The following ENTPD3 variants were observed in gnomAD, a reference collection of about 807,000 sequenced individuals.
ENTPD3 encodes the protein ectonucleoside triphosphate diphosphohydrolase 3, also known as CD39 antigen-like 3.
A neutral mutation model predicts 51.2 loss-of-function variants in ENTPD3; 60 were observed. The observed-to-expected ratio is 1.17, with a 90% CI of 0.95 to 1.45. The LOEUF is 1.45. Ranked by LOEUF, ENTPD3 falls within the 40% of genes most tolerant of loss-of-function variation. ENTPD3 has a pLI of 0.00. For missense variants in ENTPD3, 593 were observed against 641.1 expected (o/e 0.93, Z 0.81); for synonymous variants, 221 against 238.4 (o/e 0.93, Z 0.67).
chr3:40,394,048 CAAAAAAAAAA>C (rs559701033), intron 3 of ENTPD3, among the ~76,000 whole-genome samples: 1,032 of 64,578 alleles, frequency 0.016, 16 homozygotes, highest in Admixed American at 0.031. Flanking sequence ...GACTCTGTCT[CAAAAAAAAAA>C]AAAAAAAAAA....
At chr3:40,426,290 TAG>T (rs1955983941) in intron 10 of ENTPD3, among the ~76,000 whole-genome samples, 1 of 151,884 alleles carries the variant, frequency 6.6e-6, no homozygotes, top group African/African-American at 2.4e-5. Context: ...TGTATTTTTG[TAG>T]AGACAGGGTT....
At chr3:40,401,886 T>C (rs1955366080) in intron 4 of ENTPD3, among the ~76,000 whole-genome samples, 1 of 152,196 alleles carries the variant, frequency 6.6e-6, no homozygotes, top group African/African-American at 2.4e-5. Context: ...TGCAGCTCCC[T>C]GTCTTTTCCA....
intron 10 of ENTPD3, among the ~76,000 whole-genome samples, chr3:40,426,840 T>C (rs1384973696): frequency 6.6e-6 from 1 of 152,152 alleles, no homozygotes; most frequent in African/African-American, 2.4e-5. Context: ...TAAAAACATG[T>C]AAAGCAAAAA....
Position 40,423,418 on chromosome 3 carries a change from A to T in ENTPD3, c.1215+17A>T. Reference sequence around the variant, plus strand: ...TGGAGTCAGGTCAGTATTTAAAGAGAAGGGATCAATGTCAGTACAAAAAAA... The same window carrying T: ...TGGAGTCAGGTCAGTATTTAAAGAGTAGGGATCAATGTCAGTACAAAAAAA... On this transcript the variant is annotated intron_variant, in intron 9 of 10. Transcript: ENST00000301825. The T allele has an allele frequency of 6.5e-7, 1 of 1,534,300 alleles. No individual in the cohort carries two copies. Among genetic ancestry groups the T allele is most frequent in the African/African-American group, 1.4e-5 (1 of 73,392 alleles).
chr3:40,397,872 G>T (rs1450926865), intron 3 of ENTPD3, among the ~76,000 whole-genome samples: 1 of 152,084 alleles, frequency 6.6e-6, no homozygotes, highest in East Asian at 1.9e-4. Context: ...TTGAGCCATG[G>T]TTTTTTCTGA....
intron 10 of ENTPD3, among the ~76,000 whole-genome samples, chr3:40,425,289 T>C (rs930620050): frequency 6.6e-6 from 1 of 151,880 alleles, no homozygotes; most frequent in Non-Finnish European, 1.5e-5. Flanking sequence ...TGTTGGTGCA[T>C]GCCTGTAATC....
rs185787361 is a variant in ENTPD3 at position 40,407,286 on chromosome 3, C to T, written c.287-4526C>T. 2.0e-5 allele frequency among the ~76,000 whole-genome samples: 3 copies of T among 152,006 alleles called. No individual in the cohort carries two copies. The East Asian group carries it at 5.8e-4, about 29-fold the overall frequency. ...CTCTGTCGTAACTGCTCAACTCTGC[C>T]CCTTTAGCATGAAAACAGCCATAGA... On this transcript the variant is annotated intron_variant, in intron 4 of 10. Transcript: ENST00000301825.
At chr3:40,426,107 C>CTTTTTTTTTTTTTTTT (rs35267876) in intron 10 of ENTPD3, among the ~76,000 whole-genome samples, 2 of 112,446 alleles carry the variant, frequency 1.8e-5, no homozygotes, top group Non-Finnish European at 3.5e-5. Flanking sequence ...TTTTTCTTTT[C>CTTTTTTTTTTTTTTTT]TTTTTTTTTT....
intron 2 of ENTPD3, 95 bp from the exon 3 acceptor site, chr3:40,391,928 A>C (rs2125587280): frequency 6.9e-7 from 1 of 1,454,316 alleles, no homozygotes; most frequent in South Asian, 1.2e-5. Context: ...TGGTTTATGC[A>C]CCTGATTATG....
intron 4 of ENTPD3, among the ~76,000 whole-genome samples, chr3:40,404,327 TG>T (rs1201658775): frequency 1.3e-5 from 2 of 152,216 alleles, no homozygotes; most frequent in African/African-American, 4.8e-5. Context: ...ATACAGTAAG[TG>T]CTCAATAAGC....
intron 10 of ENTPD3, 172 bp downstream of exon 10, chr3:40,424,135 A>G: frequency 1.0e-6 from 1 of 985,454 alleles, no homozygotes; most frequent in Non-Finnish European, 1.2e-6. Flanking sequence ...AGAATTTAGA[A>G]GAGTTGCTCA....
chr3:40,408,331 A>C (rs1416385317), intron 4 of ENTPD3, among the ~76,000 whole-genome samples: 3 of 152,220 alleles, frequency 2.0e-5, no homozygotes, highest in Non-Finnish European at 4.4e-5. Context: ...TTAAAAACAT[A>C]TACTAAAGTG....
At chr3:40,403,518 T>C (rs895610831) in intron 4 of ENTPD3, among the ~76,000 whole-genome samples, 8 of 152,136 alleles carry the variant, frequency 5.3e-5, no homozygotes, top group Admixed American at 6.5e-5. Context: ...AGCAAGATCT[T>C]GAGCAAGGCA....
rs775322652 is a variant in ENTPD3, at chr3:40,402,111, C to CTTTTTTTTTTT, written c.286+1101_286+1111dup. Among the ~76,000 whole-genome samples the CTTTTTTTTTTT allele has an allele frequency of 1.6e-3, 158 of 97,162 alleles. 7 individuals are homozygous for CTTTTTTTTTTT. Among genetic ancestry groups the CTTTTTTTTTTT allele is most frequent in the East Asian group, 4.4e-3 (15 of 3,412 alleles). 63.7% of individuals were successfully genotyped at this position (97,162 alleles called of 152,430 possible). A position where few individuals can be genotyped will look rare whatever the true frequency, so the allele number is the denominator to read the frequency against. ...GTAACTATCTTGTTCATTTCCTTTC[C>CTTTTTTTTTTT]TTTTTTTTTTTCTTTTTTTTTTTTT... is the stretch of plus-strand genomic sequence containing the variant. On this transcript the variant is annotated intron_variant, in intron 4 of 10. Coordinates refer to ENST00000301825, the MANE Select transcript of ENTPD3 (RefSeq NM_001248.4).
chr3:40,422,854 C>A lies in ENTPD3; in HGVS notation c.836C>A (p.Ser279Tyr), dbSNP rs1955906633. The stretch of plus-strand genomic sequence containing the variant: ...ACCTTACTCTTATACCTACAGAATT[C>A]TCCTACCAAAAACCATCTCACCAAT... ...KKFLAMLLQN[S>Y]PTKNHLTNPC... The change falls in exon 8 of 11, where the codon TCT (serine) becomes TAT (tyrosine). Residue 279 changes from serine to tyrosine, a missense_variant. By Grantham distance (144) the Ser-to-Tyr change is moderately radical. Coordinates refer to ENST00000301825, the MANE Select transcript of ENTPD3 (RefSeq NM_001248.4). 6.2e-7 allele frequency: 1 copy of A among 1,610,760 alleles called. No individual in the cohort carries two copies. The highest frequency in any genetic ancestry group is 8.5e-7 in the Non-Finnish European group (1 of 1,179,496).
chr3:40,411,078 G>A (rs893418292), intron 4 of ENTPD3, among the ~76,000 whole-genome samples: 1 of 152,088 alleles, frequency 6.6e-6, no homozygotes, highest in African/African-American at 2.4e-5. Flanking sequence ...ATCACCTGAG[G>A]TCAGGAGTTC....
At chr3:40,415,626 T>A (rs1213422522) in intron 6 of ENTPD3, among the ~76,000 whole-genome samples, 2 of 152,128 alleles carry the variant, frequency 1.3e-5, no homozygotes, top group African/African-American at 4.8e-5. Flanking sequence ...ATACACCTAA[T>A]CTACTTCACT....
intron 7 of ENTPD3, 58 bp downstream of exon 7, chr3:40,416,131 G>A: frequency 1.6e-6 from 2 of 1,262,038 alleles, no homozygotes; most frequent in Non-Finnish European, 2.3e-6. Context: ...GAGCTGAGGG[G>A]AGAATGCCCT....
intron 7 of ENTPD3, 86 bp from the exon 8 acceptor site, chr3:40,422,764 A>T (rs1246230103): frequency 8.5e-7 from 1 of 1,170,754 alleles, no homozygotes; most frequent in African/African-American, 1.5e-5. Context: ...TCACTATTGG[A>T]CATTTGGGTT....
Sources: gnomAD v4.1 joint callset for allele counts (sites outside exome capture counted in the v4.1 genomes callset) on GRCh38, gnomAD v4.1.1 for gene constraint, MANE v1.5 for transcripts, NCBI Gene and HGNC (gene_info 2026-07-23, HGNC 2026-07-21) for gene names.